UTRN: variants seen among roughly 807,000 people sequenced by gnomAD.
UTRN encodes dystrophin-related protein 1.
A neutral mutation model predicts 463.9 loss-of-function variants in UTRN; 283 were observed. That is an observed-to-expected ratio of 0.61 (90% CI 0.55 to 0.67). UTRN has a LOEUF of 0.67. Ranked by LOEUF, UTRN falls within the 30% of genes least tolerant of loss-of-function variation. UTRN has a pLI of 0.00. For synonymous variants in UTRN, 1,442 were observed against 1,431.5 expected, an observed-to-expected ratio of 1.01 and a Z score of -0.17; for missense variants, 3,922 against 4,084.3, an observed-to-expected ratio of 0.96 and a Z score of 1.08.
At position 144,516,283 on chromosome 6, in the gene UTRN, G is replaced by A; in HGVS notation, c.5299G>A (p.Glu1767Lys). ...ATGTTTGGTCACCACTGAAACATTTGAAACTGGTGTGCCTTTCTCTGACTT... is the reference window on the plus strand; with the variant it reads ...ATGTTTGGTCACCACTGAAACATTTAAAACTGGTGTGCCTTTCTCTGACTT... The part of the protein sequence containing the change: ...YQCLVTTETF[E>K]TGVPFSDLEK... Residue 1767 changes from glutamate (E) to lysine (K), a missense_variant, in exon 38 of 75, where the codon GAA (glutamate) becomes AAA (lysine). Physicochemically the swap from Glu to Lys is moderately conservative, Grantham distance 56. Coordinates refer to ENST00000367545, the MANE Select transcript of UTRN (RefSeq NM_007124.3). 3 of 1,613,852 alleles carry A rather than the reference G, an allele frequency of 1.9e-6. No individual in the cohort carries two copies. The highest frequency in any genetic ancestry group is 2.5e-6 in the Non-Finnish European group (3 of 1,179,930).
intron 53 of UTRN, among the ~76,000 whole-genome samples, chr6:144,708,771 G>A (rs1200676324): frequency 6.6e-6 from 1 of 152,128 alleles, no homozygotes; most frequent in Non-Finnish European, 1.5e-5. Flanking sequence ...CAGAATGTCA[G>A]GGACTGAGTC....
intron 51 of UTRN, among the ~76,000 whole-genome samples, chr6:144,631,349 C>T (rs978851687): frequency 1.3e-5 from 2 of 151,972 alleles, no homozygotes; most frequent in Non-Finnish European, 2.9e-5. Flanking sequence ...ACCTGGCCAA[C>T]TCCAGCAATG....
chr6:144,425,748 A>C (rs1785240451), intron 6 of UTRN, among the ~76,000 whole-genome samples: 1 of 152,134 alleles, frequency 6.6e-6, no homozygotes, highest in Non-Finnish European at 1.5e-5. Context: ...AGCCCCTTAA[A>C]TTGGCTCCTG....
Position 144,711,888 on chromosome 6 carries a change from ATTAGCAAAC to A in UTRN, c.7809+11648_7809+11656del, listed in dbSNP as rs143778538. Reference sequence around the variant, plus strand: ...GCCTTAAGCTGAATTGCCAAGAAACATTAGCAAACTTGCTCATTAAAATAACAAATTCTA... The same window carrying A: ...GCCTTAAGCTGAATTGCCAAGAAACATTGCTCATTAAAATAACAAATTCTA... On this transcript the variant is annotated intron_variant, in intron 53 of 74. Transcript: ENST00000367545. Among the ~76,000 whole-genome samples, 726 of 152,328 alleles carry A rather than the reference ATTAGCAAAC, an allele frequency of 4.8e-3. 32 individuals are homozygous for A. In the East Asian group the frequency reaches 0.096, roughly 20 times the overall value.
At chr6:144,840,862 T>G in intron 73 of UTRN, 30 bp downstream of exon 73, 1 of 1,611,954 alleles carries the variant, frequency 6.2e-7, no homozygotes, top group South Asian at 1.1e-5. Context: ...GCACCACAGC[T>G]GCACGTGTTC....
At position 144,851,187 on chromosome 6, in the gene UTRN, A is replaced by G; in HGVS notation, c.*190A>G. On this transcript the variant is annotated 3_prime_UTR_variant, in exon 75 of 75. Coordinates refer to ENST00000367545, the MANE Select transcript of UTRN (RefSeq NM_007124.3). ...GAGAAATGGATATTTTGTTTTTATA[A>G]TAACCATATATTATTGTTTTCTTCT... 4.5e-6 allele frequency: 3 copies of G among 672,378 alleles called. No individual in the cohort carries two copies. Among genetic ancestry groups the G allele is most frequent in the Non-Finnish European group, 5.1e-6 (2 of 389,814 alleles). The allele number at this position is 672,378 out of a possible 1,614,324, so 41.7% of individuals were successfully genotyped here. A position where few individuals can be genotyped will look rare whatever the true frequency, so the allele number is the denominator to read the frequency against.
intron 51 of UTRN, among the ~76,000 whole-genome samples, chr6:144,654,812 G>A (rs994502143): frequency 7.2e-5 from 11 of 152,190 alleles, no homozygotes; most frequent in African/African-American, 2.7e-4. Context: ...AGTGCCGTCT[G>A]AATTGTTAAA....
In UTRN at chr6:144,479,968, G is replaced by A. The variant is rs1791674283; in HGVS notation, c.3493G>A (p.Val1165Met). 6.2e-7 allele frequency: 1 copy of A among 1,613,984 alleles called. No homozygotes were observed. The highest frequency in any genetic ancestry group is 1.3e-5 in the African/African-American group (1 of 75,032). The change falls in exon 26 of 75, where the codon GTG becomes ATG. Residue 1165 changes from valine (V) to methionine (M), a missense_variant. This residue lies in a region of UTRN where 2,349 missense variants were observed against 2,303.8 expected (regional missense o/e 1.02). Coordinates refer to ENST00000367545, the MANE Select transcript of UTRN (RefSeq NM_007124.3). ...YKSPEELESA[V>M]EEMKRAKEDV... ...GTCACCAGAAGAGCTTGAGAGTGCT[G>A]TGGAAGAGATGAAGGTGAGGCGGGG...
intron 50 of UTRN, among the ~76,000 whole-genome samples, chr6:144,570,431 G>A (rs763127963): frequency 1.2e-4 from 19 of 152,146 alleles, no homozygotes; most frequent in Non-Finnish European, 2.2e-4. Context: ...TGTGTATCAG[G>A]CAAAGTTTAG....
At chr6:144,440,954 C>T (rs897861493) in intron 13 of UTRN, among the ~76,000 whole-genome samples, 8 of 152,204 alleles carry the variant, frequency 5.3e-5, no homozygotes, top group Admixed American at 6.5e-5. Flanking sequence ...CATCAGACCT[C>T]GTGAGACTTA....
chr6:144,387,044 T>TA (rs1781484921), intron 2 of UTRN, among the ~76,000 whole-genome samples: 1 of 152,196 alleles, frequency 6.6e-6, no homozygotes, highest in South Asian at 2.1e-4. Context: ...TGAAAGTGAG[T>TA]AAAATATTAG....
chr6:144,506,516 A>T (rs1794703727), intron 34 of UTRN, among the ~76,000 whole-genome samples: 3 of 152,188 alleles, frequency 2.0e-5, no homozygotes, highest in Admixed American at 1.3e-4. Flanking sequence ...TCCTTCGCTT[A>T]TGAAGCTTAG....
intron 51 of UTRN, among the ~76,000 whole-genome samples, chr6:144,626,550 G>A (rs1214469368): frequency 6.6e-6 from 1 of 152,220 alleles, no homozygotes; most frequent in Non-Finnish European, 1.5e-5. Flanking sequence ...TTTGGTTACA[G>A]TGGGTTTGCA....
At chr6:144,612,115 C>T (rs1298439214) in intron 51 of UTRN, among the ~76,000 whole-genome samples, 1 of 152,086 alleles carries the variant, frequency 6.6e-6, no homozygotes, top group Admixed American at 6.6e-5. Flanking sequence ...CAGGAACACA[C>T]AATGGGTAAA....
chr6:144,491,179 TAGTGTGTCC>T, intron 32 of UTRN, 77 bp downstream of exon 32: 1 of 1,401,830 alleles, frequency 7.1e-7, no homozygotes, highest in East Asian at 2.3e-5. Flanking sequence ...AGTACATGCC[TAGTGTGTCC>T]AGTGATCACT....
intron 40 of UTRN, 107 bp downstream of exon 40, chr6:144,522,278 C>A: frequency 1.1e-6 from 1 of 871,418 alleles, no homozygotes; most frequent in Non-Finnish European, 1.6e-6. Context: ...ACAATTTGTG[C>A]CAGGGGATTA....
At position 144,820,649 on chromosome 6, in the gene UTRN, G is replaced by C. The variant is rs116663411; in HGVS notation, c.9358-233G>C. Among the ~76,000 whole-genome samples, 328 of 152,230 alleles carry C rather than the reference G, an allele frequency of 2.2e-3. 1 individual carries two copies. Among genetic ancestry groups the C allele is most frequent in the African/African-American group, 7.5e-3 (311 of 41,536 alleles). ...TTAAAATATTGGGGAAATGAACTAG[G>C]TATGGTTTATTTTCAACAGAGAATG... On this transcript the variant is annotated intron_variant, in intron 65 of 74. Coordinates refer to ENST00000367545, the MANE Select transcript of UTRN (RefSeq NM_007124.3).
chr6:144,338,251 T>C (rs1419141078), intron 2 of UTRN, among the ~76,000 whole-genome samples: 1 of 152,130 alleles, frequency 6.6e-6, no homozygotes, highest in Non-Finnish European at 1.5e-5. Flanking sequence ...GAAAATTCTT[T>C]TAATGTCAAC....
chr6:144,656,431 G>C (rs1306630007), intron 51 of UTRN, among the ~76,000 whole-genome samples: 2 of 152,142 alleles, frequency 1.3e-5, no homozygotes, highest in Non-Finnish European at 2.9e-5. Context: ...TTTGTTTTGA[G>C]ACAAAGTCTC....
Sources: allele counts gnomAD v4.1 joint callset (sites outside exome capture counted in the v4.1 genomes callset), GRCh38; gene constraint gnomAD v4.1.1; regional missense constraint gnomAD v4.1.1; transcripts MANE v1.5; gene names NCBI Gene and HGNC (gene_info 2026-07-23, HGNC 2026-07-21).